The following NIBAN1 variants were observed in gnomAD, a reference collection of about 807,000 sequenced individuals.
The protein encoded by NIBAN1 is niban apoptosis regulator 1, also known as protein Niban 1.
Under a neutral mutation model 75.1 loss-of-function variants are expected in NIBAN1, and 81 were observed. That is an observed-to-expected ratio of 1.08 (90% confidence interval 0.90 to 1.30). The LOEUF (loss-of-function observed/expected upper bound fraction) is 1.30, where lower values mean the gene tolerates loss of function less well. NIBAN1 is among the 50% of genes most tolerant of loss of function. The pLI is 0.00. For synonymous variants in NIBAN1, 436 were observed against 424.8 expected (o/e 1.03, Z -0.32); for missense variants, 1,133 against 1,128.1 (o/e 1.00, Z -0.06).
At chr1:184,807,406 C>T (rs562951847) in intron 10 of NIBAN1, among the ~76,000 whole-genome samples, 22 of 151,852 alleles carry the variant, frequency 1.4e-4, no homozygotes, top group African/African-American at 4.1e-4. Context: ...CTCTTAATTA[C>T]GTTAGGGAAT....
At chr1:184,927,073 T>C (rs2102026550) in intron 1 of NIBAN1, among the ~76,000 whole-genome samples, 1 of 152,330 alleles carries the variant, frequency 6.6e-6, no homozygotes, top group Non-Finnish European at 1.5e-5. Flanking sequence ...TGTGTTATCT[T>C]GAATTTTGTT....
chr1:184,899,802 A>ACT (rs1656899029), intron 1 of NIBAN1, among the ~76,000 whole-genome samples: 1 of 112,846 alleles, frequency 8.9e-6, no homozygotes, highest in Non-Finnish European at 1.8e-5. Context: ...CAAGCACATC[A>ACT]CTCTCTTTTT....
chr1:184,878,278 T>C (rs904412558), intron 5 of NIBAN1, among the ~76,000 whole-genome samples: 2 of 152,340 alleles, frequency 1.3e-5, no homozygotes, highest in South Asian at 2.1e-4. Flanking sequence ...AACTCTTAAA[T>C]TGCTTTGAGA....
At chr1:184,931,921 T>C (rs1296334317) in intron 1 of NIBAN1, among the ~76,000 whole-genome samples, 2 of 152,230 alleles carry the variant, frequency 1.3e-5, no homozygotes, top group Non-Finnish European at 2.9e-5. Flanking sequence ...TCAAATACTA[T>C]AGTCAAGTTT....
At chr1:184,928,990 C>G (rs1381142466) in intron 1 of NIBAN1, among the ~76,000 whole-genome samples, 1 of 152,126 alleles carries the variant, frequency 6.6e-6, no homozygotes, top group Non-Finnish European at 1.5e-5. Flanking sequence ...TGCACACATA[C>G]AAATGAATGT....
rs35601690 is a variant in NIBAN1 at position 184,795,276 on chromosome 1, C to T, written c.2488G>A (p.Gly830Ser). 6.8e-3 allele frequency: 10,930 copies of T among 1,612,926 alleles called. 265 individuals carry two copies. In the African/African-American group the frequency reaches 0.075, roughly 11 times the overall value. The change falls in exon 14 of 14, where the codon GGC becomes AGC. Residue 830 changes from glycine to serine, a missense_variant. Gly to Ser is a moderately conservative substitution (Grantham distance 56). Transcript: ENST00000367511. Reference sequence around the variant, plus strand: ...GCATCCCCTTCCTCGGTACACTTGCCCCCTCTTCCTTCATGGGCAGTGAGT... The same window carrying T: ...GCATCCCCTTCCTCGGTACACTTGCTCCCTCTTCCTTCATGGGCAGTGAGT... ...CTLTAHEGRG[G>S]KCTEEGDASQ...
chr1:184,894,246 A>G (rs764451183), intron 2 of NIBAN1, 40 bp from the exon 3 acceptor site: 24 of 1,551,826 alleles, frequency 1.5e-5, no homozygotes, highest in Admixed American at 2.0e-5. Flanking sequence ...ACAACAAAAG[A>G]TAACACACCT....
chr1:184,808,892 C>T (rs1248446675), intron 9 of NIBAN1, among the ~76,000 whole-genome samples: 1 of 152,204 alleles, frequency 6.6e-6, no homozygotes, highest in East Asian at 1.9e-4. Context: ...CATCATACCT[C>T]ACCTGCTAAA....
chr1:184,932,322 T>G (rs1388597848), intron 1 of NIBAN1, among the ~76,000 whole-genome samples: 1 of 152,228 alleles, frequency 6.6e-6, no homozygotes, highest in Non-Finnish European at 1.5e-5. Context: ...AGCCCTGAGC[T>G]TGTTTTCCTG....
rs548399286 is a variant in NIBAN1 at position 184,795,903 on chromosome 1, C to G, written c.1861G>C (p.Glu621Gln). ...TCAGGCTGCTTCTCTTCCTCTGACTCCTGGAATACTTCGTTACTGAGGGTC... is the reference window on the plus strand; with the variant it reads ...TCAGGCTGCTTCTCTTCCTCTGACTGCTGGAATACTTCGTTACTGAGGGTC... ...SETLSNEVFQ[E>Q]SEEEKQPEVP... is the part of the protein sequence containing the mutation. The change falls in exon 14 of 14, where the codon GAG (glutamate) becomes CAG (glutamine). Residue 621 changes from glutamate (E) to glutamine (Q), a missense_variant. By Grantham distance (29) the Glu-to-Gln change is conservative. Transcript: ENST00000367511. The G allele has an allele frequency of 5.6e-6, 9 of 1,614,072 alleles. No individual in the cohort carries two copies. In the South Asian group the frequency reaches 9.9e-5, roughly 18 times the overall value.
At position 184,937,846 on chromosome 1, in the gene NIBAN1, C is replaced by A. The variant is rs80198706; in HGVS notation, c.55+36456G>T. Among the ~76,000 whole-genome samples the A allele has an allele frequency of 1.1e-4, 17 of 152,282 alleles. No individual in the cohort carries two copies. The East Asian group carries it at 3.1e-3, about 28-fold the overall frequency. ...AAAGACCACCCACCTTAAACAGCTA[C>A]GTGAGAAGTAAAGAGTACAATATAT... On this transcript the variant is annotated intron_variant, in intron 1 of 13. Coordinates refer to ENST00000367511, the MANE Select transcript of NIBAN1 (RefSeq NM_052966.4).
At chr1:184,818,897 G>C (rs1654613882) in intron 8 of NIBAN1, 72 bp from the exon 9 acceptor site, 3 of 1,491,990 alleles carry the variant, frequency 2.0e-6, no homozygotes, top group South Asian at 2.6e-5. Flanking sequence ...AGCCAGACCA[G>C]AGCTGAATGG....
At chr1:184,912,208 A>AT (rs1657259730) in intron 1 of NIBAN1, among the ~76,000 whole-genome samples, 1 of 152,196 alleles carries the variant, frequency 6.6e-6, no homozygotes, top group Non-Finnish European at 1.5e-5. Context: ...TAGTTTACTT[A>AT]TTTTAACTGT....
chr1:184,931,241 C>A (rs776058478), intron 1 of NIBAN1, among the ~76,000 whole-genome samples: 2 of 152,090 alleles, frequency 1.3e-5, no homozygotes, highest in Middle Eastern at 3.2e-3. Flanking sequence ...CTCAGGTGAT[C>A]CACCCACCTC....
At position 184,894,181 on chromosome 1, in the gene NIBAN1, A is replaced by C; in HGVS notation, c.212T>G (p.Leu71Trp). The C allele has an allele frequency of 6.2e-7, 1 of 1,609,136 alleles. No homozygotes were observed. The highest frequency in any genetic ancestry group is 8.5e-7 in the Non-Finnish European group (1 of 1,178,334). Residue 71 changes from leucine to tryptophan, a missense_variant, in exon 3 of 14, where the codon TTG becomes TGG. Leu to Trp is a moderately conservative substitution (Grantham distance 61). Transcript: ENST00000367511. ...AAATTGTGATAGCTCTGCTTCATACAAAATAGTTCCAGGCGCCAATGGTGG... is the reference window on the plus strand; with the variant it reads ...AAATTGTGATAGCTCTGCTTCATACCAAATAGTTCCAGGCGCCAATGGTGG... Reference protein sequence around the residue: ...TKPPLAPGTILYEAELSQFSE... With the variant: ...TKPPLAPGTIWYEAELSQFSE...
chr1:184,938,119 A>T (rs529244870), intron 1 of NIBAN1, among the ~76,000 whole-genome samples: 2 of 152,340 alleles, frequency 1.3e-5, no homozygotes, highest in Admixed American at 1.3e-4. Context: ...GATACCTACT[A>T]CTGGGAAAGT....
intron 4 of NIBAN1, 86 bp from the exon 5 acceptor site, chr1:184,884,886 C>T: frequency 6.8e-7 from 1 of 1,475,990 alleles, no homozygotes; most frequent in South Asian, 1.3e-5. Flanking sequence ...GGGTGACTAT[C>T]TGGGGCAGGC....
chr1:184,912,292 C>T (rs1657261669), intron 1 of NIBAN1, among the ~76,000 whole-genome samples: 1 of 151,972 alleles, frequency 6.6e-6, no homozygotes, highest in Non-Finnish European at 1.5e-5. Context: ...TCTCTTTTTG[C>T]TCATACAATC....
intron 5 of NIBAN1, among the ~76,000 whole-genome samples, chr1:184,839,274 T>G (rs1397430718): frequency 6.6e-6 from 1 of 152,188 alleles, no homozygotes; most frequent in Non-Finnish European, 1.5e-5. Context: ...TATAACAGTT[T>G]ATCATGTAAT....
Sources: gnomAD v4.1 joint callset for allele counts (sites outside exome capture counted in the v4.1 genomes callset) on GRCh38, gnomAD v4.1.1 for gene constraint, MANE v1.5 for transcripts, NCBI Gene and HGNC (gene_info 2026-07-23, HGNC 2026-07-21) for gene names.